The following DRC11 variants were observed in gnomAD, a reference collection of about 807,000 sequenced individuals.
DRC11 encodes IQ and AAA domain-containing protein 1.
chr2:236,383,886 T>C, the DRC11 span, among the ~76,000 whole-genome samples: 1 of 148,900 alleles, frequency 6.7e-6, no homozygotes, highest in Admixed American at 6.7e-5. Flanking sequence ...CATTGTTCAA[T>C]TCCCACCTAT....
chr2:236,487,652 C>A, the DRC11 span, among the ~76,000 whole-genome samples: 7 of 152,320 alleles, frequency 4.6e-5, no homozygotes, highest in East Asian at 1.3e-3. Context: ...CCTGGTCCCT[C>A]TTCTGTAATT....
the DRC11 span, among the ~76,000 whole-genome samples, chr2:236,328,869 A>C: frequency 3.9e-5 from 6 of 152,208 alleles, no homozygotes; most frequent in African/African-American, 1.4e-4. This position sits in a 1 kb window ranked among gnomAD's most constrained non-coding sequence, Gnocchi z 6.7. Flanking sequence ...AATTTCCGGA[A>C]ACATGGTGGC....
the DRC11 span, among the ~76,000 whole-genome samples, chr2:236,400,963 G>A: frequency 1.3e-5 from 2 of 152,174 alleles, no homozygotes; most frequent in African/African-American, 4.8e-5. The surrounding 1 kb of genome is among the most constrained non-coding windows in gnomAD (Gnocchi z 7.9). Flanking sequence ...TTGCTCCAAG[G>A]TTGGCTAACG....
chr2:236,358,935 T>C, the DRC11 span, among the ~76,000 whole-genome samples: 19 of 151,058 alleles, frequency 1.3e-4, no homozygotes, highest in East Asian at 3.3e-3. Flanking sequence ...GGCAAGGCCA[T>C]TCCTGGGCCA....
chr2:236,459,600 C>CGTATATACGTAT, the DRC11 span, among the ~76,000 whole-genome samples: 1 of 102,632 alleles, frequency 9.7e-6, no homozygotes, highest in Non-Finnish European at 2.3e-5. Context: ...TATACGTATA[C>CGTATATACGTAT]ATATATACGT....
the DRC11 span, among the ~76,000 whole-genome samples, chr2:236,372,241 T>G: frequency 6.6e-6 from 1 of 152,222 alleles, no homozygotes; most frequent in Non-Finnish European, 1.5e-5. The surrounding 1 kb of genome is among the most constrained non-coding windows in gnomAD (Gnocchi z 4.5). Context: ...CTAGTGGTAT[T>G]TCCATTTAGG....
At chr2:236,366,016 T>A in the DRC11 span, among the ~76,000 whole-genome samples, 133 of 152,232 alleles carry the variant, frequency 8.7e-4, no homozygotes, top group Admixed American at 1.8e-3. Flanking sequence ...TGCCCCTGCA[T>A]CTTGGAACAG....
At chr2:236,407,303 G>T in the DRC11 span, among the ~76,000 whole-genome samples, 1 of 152,176 alleles carries the variant, frequency 6.6e-6, no homozygotes, top group Admixed American at 6.5e-5. Context: ...AGAGCTTCTT[G>T]GTTATGAGTA....
the DRC11 span, among the ~76,000 whole-genome samples, chr2:236,497,672 T>C: frequency 1.3e-5 from 2 of 152,228 alleles, no homozygotes; most frequent in African/African-American, 4.8e-5. The surrounding 1 kb of genome is among the most constrained non-coding windows in gnomAD (Gnocchi z 5.1). Context: ...GATTTCTGAA[T>C]ATGTACCACC....
At chr2:236,395,754 T>C in the DRC11 span, among the ~76,000 whole-genome samples, 3 of 152,234 alleles carry the variant, frequency 2.0e-5, no homozygotes, top group Non-Finnish European at 4.4e-5. Context: ...TGTTTACTAA[T>C]AATAATCCCC....
the DRC11 span, among the ~76,000 whole-genome samples, chr2:236,372,346 G>C: frequency 6.6e-6 from 1 of 152,238 alleles, no homozygotes; most frequent in African/African-American, 2.4e-5. The surrounding 1 kb of genome is among the most constrained non-coding windows in gnomAD (Gnocchi z 4.5). Context: ...GTGGTTGTTG[G>C]CTGAAGATTC....
the DRC11 span, among the ~76,000 whole-genome samples, chr2:236,469,053 G>C: frequency 6.6e-6 from 1 of 152,176 alleles, no homozygotes; most frequent in Non-Finnish European, 1.5e-5. This position sits in a 1 kb window ranked among gnomAD's most constrained non-coding sequence, Gnocchi z 5.8. Context: ...AAGTGTCCAA[G>C]AAACTTCCTA....
At chr2:236,434,089 G>A in the DRC11 span, among the ~76,000 whole-genome samples, 2 of 152,144 alleles carry the variant, frequency 1.3e-5, no homozygotes, top group African/African-American at 4.8e-5. The surrounding 1 kb of genome is among the most constrained non-coding windows in gnomAD (Gnocchi z 5.5). Context: ...AACCATTCTT[G>A]CATCCTGGAA....
the DRC11 span, among the ~76,000 whole-genome samples, chr2:236,341,190 G>A: frequency 6.6e-6 from 1 of 152,252 alleles, no homozygotes; most frequent in Admixed American, 6.5e-5. Flanking sequence ...CGATTCCTTG[G>A]CAGAGGCACT....
chr2:236,458,267 G>A, the DRC11 span, among the ~76,000 whole-genome samples: 7 of 152,134 alleles, frequency 4.6e-5, no homozygotes, highest in South Asian at 2.1e-4. Context: ...GACAAAAATC[G>A]CTATTTCAAA....
the DRC11 span, among the ~76,000 whole-genome samples, chr2:236,310,386 C>T: frequency 6.6e-6 from 1 of 152,204 alleles, no homozygotes; most frequent in African/African-American, 2.4e-5. The surrounding 1 kb of genome is among the most constrained non-coding windows in gnomAD (Gnocchi z 5.5). Context: ...GCCCCAGGGA[C>T]ATACAGGGAG....
the DRC11 span, among the ~76,000 whole-genome samples, chr2:236,422,785 T>C: frequency 1.3e-5 from 2 of 152,060 alleles, no homozygotes; most frequent in African/African-American, 2.4e-5. Flanking sequence ...GGCACCACAC[T>C]ACCTGACTTC....
the DRC11 span, among the ~76,000 whole-genome samples, chr2:236,461,574 A>G: frequency 6.6e-6 from 1 of 152,204 alleles, no homozygotes; most frequent in Admixed American, 6.5e-5. This position sits in a 1 kb window ranked among gnomAD's most constrained non-coding sequence, Gnocchi z 4.0. Context: ...AGTACCAGGC[A>G]CAGTCTTAAT....
the DRC11 span, chr2:236,344,785 G>A: frequency 1.6e-6 from 1 of 632,914 alleles, no homozygotes. Flanking sequence ...GCAGAGCCCT[G>A]GCTGTGAACG....
Sources: allele counts gnomAD v4.1 joint callset (sites outside exome capture counted in the v4.1 genomes callset), GRCh38; gene constraint gnomAD v4.1.1; non-coding constraint Gnocchi (gnomAD v3.1); transcripts MANE v1.5; gene names NCBI Gene and HGNC (gene_info 2026-07-23, HGNC 2026-07-21).